Variants in SLC9A9 observed in about 807,000 individuals in gnomAD.
The protein encoded by SLC9A9 is sodium/hydrogen exchanger 9.
A neutral mutation model predicts 77.8 loss-of-function variants in SLC9A9; 62 were observed. The ratio of observed to expected loss-of-function variants is 0.80; its 90% CI spans 0.65 to 0.98. The LOEUF is 0.98. Ranked by LOEUF, SLC9A9 falls within the 50% of genes least tolerant of loss-of-function variation. The pLI is 0.00. For missense variants in SLC9A9, 775 were observed against 774.9 expected, an observed-to-expected ratio of 1.00 and a Z score of 0.00; for synonymous variants, 320 against 283.5, an observed-to-expected ratio of 1.13 and a Z score of -1.29.
At chr3:143,661,926 A>C (rs2038985069) in intron 5 of SLC9A9, among the ~76,000 whole-genome samples, 1 of 112,422 alleles carries the variant, frequency 8.9e-6, no homozygotes, top group African/African-American at 5.1e-5. Flanking sequence ...CCTGCTGTGT[A>C]TGTCTTACAG....
At chr3:143,339,594 C>T (rs555518076) in intron 14 of SLC9A9, among the ~76,000 whole-genome samples, 2 of 152,282 alleles carry the variant, frequency 1.3e-5, no homozygotes, top group African/African-American at 2.4e-5. Flanking sequence ...AGATTCTTTT[C>T]CCTGATGTTC....
chr3:143,467,036 C>T lies in SLC9A9; in HGVS notation c.1469+1G>A. On this transcript the variant is annotated splice_donor_variant, in intron 12 of 15. Transcript: ENST00000316549. LOFTEE classifies it high-confidence loss of function. ...TTCCTTTGCTAGACGGTGTCACTCA[C>T]CTGATCTGAAGCCAAGTCAACATGG... is the stretch of plus-strand genomic sequence containing the variant. 1 of 1,613,452 alleles carries T rather than the reference C, an allele frequency of 6.2e-7. No individual in the cohort carries two copies. Among genetic ancestry groups the T allele is most frequent in the East Asian group, 2.2e-5 (1 of 44,816 alleles).
intron 14 of SLC9A9, among the ~76,000 whole-genome samples, chr3:143,347,811 C>G (rs1397430085): frequency 6.6e-6 from 1 of 152,148 alleles, no homozygotes; most frequent in African/African-American, 2.4e-5. Context: ...ATTTCTAATT[C>G]TGTTTTGAAA....
chr3:143,396,907 G>GTAT (rs1191189309), intron 12 of SLC9A9, among the ~76,000 whole-genome samples: 1 of 152,140 alleles, frequency 6.6e-6, no homozygotes, highest in Non-Finnish European at 1.5e-5. Flanking sequence ...ACATGTATCT[G>GTAT]ACAATTTAGA....
At chr3:143,380,741 T>C (rs773539175) in intron 13 of SLC9A9, among the ~76,000 whole-genome samples, 1 of 152,188 alleles carries the variant, frequency 6.6e-6, no homozygotes, top group Non-Finnish European at 1.5e-5. Context: ...AACCTCAAAG[T>C]ACATGAGAGC....
At chr3:143,418,662 A>G (rs997421079) in intron 12 of SLC9A9, among the ~76,000 whole-genome samples, 9 of 152,184 alleles carry the variant, frequency 5.9e-5, no homozygotes, top group African/African-American at 1.9e-4. Flanking sequence ...TAAAGGATGC[A>G]GAAGGAATAA....
chr3:143,519,613 T>A (rs1213915046), intron 9 of SLC9A9, among the ~76,000 whole-genome samples: 1 of 152,166 alleles, frequency 6.6e-6, no homozygotes, highest in East Asian at 1.9e-4. Context: ...CTAGCTACTC[T>A]ATTAAGATAG....
At chr3:143,799,204 A>G (rs2008478941) in intron 2 of SLC9A9, among the ~76,000 whole-genome samples, 3 of 152,146 alleles carry the variant, frequency 2.0e-5, no homozygotes, top group Admixed American at 2.0e-4. Context: ...AGCCCAGTCC[A>G]TGGCCCATTT....
chr3:143,604,248 C>A (rs1260252770), intron 6 of SLC9A9, among the ~76,000 whole-genome samples: 2 of 152,048 alleles, frequency 1.3e-5, no homozygotes, highest in Non-Finnish European at 2.9e-5. Context: ...CACTCAAGTT[C>A]TTTATGGAAG....
chr3:143,723,746 C>A (rs1934564226), intron 4 of SLC9A9, among the ~76,000 whole-genome samples: 1 of 152,166 alleles, frequency 6.6e-6, no homozygotes, highest in Non-Finnish European at 1.5e-5. Context: ...TCAGCCCAGT[C>A]CTCTGACATC....
rs1248897754 is a variant in SLC9A9 at position 143,832,217 on chromosome 3, A to T, written c.180T>A (p.Leu60=). ...CATATCGTAAAATTAGTCCCATTAT[A>T]AGGCCTAAAAAAAAAAGAATAAATA... is the stretch of plus-strand genomic sequence containing the variant. ...HETGGAMVYG[L]IMGLILRYAT... is the part of the protein sequence containing the mutation. Residue 60 remains leucine (L), a synonymous_variant, in exon 2 of 16, where the codon CTT becomes CTA. Coordinates refer to ENST00000316549, the MANE Select transcript of SLC9A9 (RefSeq NM_173653.4). 6.8e-6 allele frequency: 11 copies of T among 1,609,280 alleles called. No individual in the cohort carries two copies. The highest frequency in any genetic ancestry group is 9.3e-6 in the Non-Finnish European group (11 of 1,177,746).
At chr3:143,415,637 A>T (rs1006935589) in intron 12 of SLC9A9, among the ~76,000 whole-genome samples, 1 of 152,250 alleles carries the variant, frequency 6.6e-6, no homozygotes, top group African/African-American at 2.4e-5. Context: ...CTACTCATTG[A>T]CAATGCACCT....
intron 14 of SLC9A9, among the ~76,000 whole-genome samples, chr3:143,301,016 G>T (rs987269182): frequency 6.6e-6 from 1 of 152,092 alleles, no homozygotes; most frequent in Non-Finnish European, 1.5e-5. Flanking sequence ...TCAGAAATAG[G>T]CCCAGGAGAA....
At chr3:143,270,906 T>C (rs1024852917) in intron 14 of SLC9A9, among the ~76,000 whole-genome samples, 1 of 152,226 alleles carries the variant, frequency 6.6e-6, no homozygotes, top group Non-Finnish European at 1.5e-5. Context: ...TGGTTTTAGT[T>C]ACCCATGGTC....
intron 2 of SLC9A9, among the ~76,000 whole-genome samples, chr3:143,809,118 A>T (rs1576742836): frequency 6.6e-6 from 1 of 152,316 alleles, no homozygotes; most frequent in East Asian, 1.9e-4. Flanking sequence ...ATAGAGATGT[A>T]TTTCTGAATG....
chr3:143,335,183 C>G (rs949551271), intron 14 of SLC9A9, among the ~76,000 whole-genome samples: 2 of 152,068 alleles, frequency 1.3e-5, no homozygotes, highest in African/African-American at 2.4e-5. Context: ...ATTAAGAAAA[C>G]AATCCCATTT....
intron 9 of SLC9A9, among the ~76,000 whole-genome samples, chr3:143,545,627 C>T (rs189947293): frequency 5.1e-4 from 78 of 152,294 alleles, no homozygotes; most frequent in African/African-American, 1.6e-3. Flanking sequence ...CTACTCTCTA[C>T]CCTAAGGATG....
intron 12 of SLC9A9, among the ~76,000 whole-genome samples, chr3:143,393,869 T>G (rs1204852876): frequency 5.3e-5 from 8 of 152,130 alleles, no homozygotes; most frequent in Non-Finnish European, 1.0e-4. Context: ...GATAAATTCC[T>G]TGACACATAC....
At chr3:143,371,576 T>C (rs549500943) in intron 13 of SLC9A9, among the ~76,000 whole-genome samples, 74 of 152,096 alleles carry the variant, frequency 4.9e-4, no homozygotes, top group Non-Finnish European at 8.8e-4. Flanking sequence ...TTGAAATGAC[T>C]CAGATGCTGG....
Sources: allele counts gnomAD v4.1 joint callset (sites outside exome capture counted in the v4.1 genomes callset), GRCh38; gene constraint gnomAD v4.1.1; transcripts MANE v1.5; gene names NCBI Gene and HGNC (gene_info 2026-07-23, HGNC 2026-07-21).